The following SPEF2 variants were observed in gnomAD, a reference collection of about 807,000 sequenced individuals.
SPEF2 encodes sperm flagella and cilia-associated protein 2.
A neutral mutation model predicts 224.6 loss-of-function variants in SPEF2; 187 were observed. The observed-to-expected ratio is 0.83, with a 90% CI of 0.74 to 0.94. The LOEUF is 0.94. Ranked by LOEUF, SPEF2 falls within the 40% of genes least tolerant of loss-of-function variation. The probability of loss-of-function intolerance (pLI) is 0.00; values close to 1 mark genes in which losing one functional copy is unlikely to be tolerated. For missense variants in SPEF2, 2,170 were observed against 2,135.6 expected (o/e 1.02, Z -0.32); for synonymous variants, 715 against 707.3 (o/e 1.01, Z -0.17).
intron 19 of SPEF2, chr5:35,709,366 G>A (rs571808820): frequency 1.6e-6 from 2 of 1,284,712 alleles, no homozygotes; most frequent in African/African-American, 3.0e-5. Context: ...ACTGATTAGA[G>A]TAAGACCACA....
chr5:35,753,267 C>T (rs1418634457), intron 23 of SPEF2, among the ~76,000 whole-genome samples: 2 of 152,052 alleles, frequency 1.3e-5, no homozygotes, highest in Non-Finnish European at 1.5e-5. Context: ...TTTTCCACCA[C>T]CAATTGCCAT....
At chr5:35,811,467 G>A (rs903434675) in intron 36 of SPEF2, among the ~76,000 whole-genome samples, 1 of 152,070 alleles carries the variant, frequency 6.6e-6, no homozygotes, top group Admixed American at 6.6e-5. Context: ...TGCATTTAAG[G>A]TGTACTGGCT....
At chr5:35,694,205 T>G (rs974982308) in intron 12 of SPEF2, 83 bp from the exon 13 acceptor site, 1 of 1,036,818 alleles carries the variant, frequency 9.6e-7, no homozygotes, top group East Asian at 2.6e-5. Flanking sequence ...TTCTCAAACC[T>G]TTACTTATAG....
chr5:35,747,561 A>G (rs2149709945), intron 23 of SPEF2, among the ~76,000 whole-genome samples: 1 of 152,368 alleles, frequency 6.6e-6, no homozygotes, highest in South Asian at 2.1e-4. Context: ...ACCAACTTTA[A>G]AGCAACACCA....
intron 10 of SPEF2, among the ~76,000 whole-genome samples, chr5:35,682,505 G>A (rs763431300): frequency 5.9e-5 from 9 of 152,134 alleles, no homozygotes; most frequent in Admixed American, 2.6e-4. Flanking sequence ...GAAATATTTA[G>A]AACATACCAA....
intron 21 of SPEF2, among the ~76,000 whole-genome samples, chr5:35,737,000 G>C (rs1177282841): frequency 6.6e-6 from 1 of 152,020 alleles, no homozygotes; most frequent in African/African-American, 2.4e-5. Flanking sequence ...TCCACCTCTT[G>C]GTAGCCATTG....
chr5:35,774,092 G>T, intron 28 of SPEF2, 71 bp downstream of exon 28: 1 of 1,553,578 alleles, frequency 6.4e-7, no homozygotes, highest in African/African-American at 1.4e-5. Flanking sequence ...GCCCACAACT[G>T]GCTCATCAAT....
intron 26 of SPEF2, among the ~76,000 whole-genome samples, chr5:35,770,203 C>T (rs1402998320): frequency 6.6e-6 from 1 of 152,024 alleles, no homozygotes; most frequent in Non-Finnish European, 1.5e-5. Flanking sequence ...AGCCTGAAGA[C>T]AAACGTGTAC....
Position 35,654,583 on chromosome 5 carries a change from G to A in SPEF2, c.835G>A (p.Asp279Asn), listed in dbSNP as rs375805421. ...SLDTAGQTTTDLLNTYSDDEY... is the reference protein window; with the variant it reads ...SLDTAGQTTTNLLNTYSDDEY... ...AGATACAGCAGGCCAGACAACCACC[G>A]ATTTGTTAAATACTTACTCAGATGA... Residue 279 changes from aspartate (D) to asparagine (N), a missense_variant, in exon 7 of 37, where the codon GAT becomes AAT. By Grantham distance (23) the Asp-to-Asn change is conservative. Coordinates refer to ENST00000356031, the MANE Select transcript of SPEF2 (RefSeq NM_024867.4). The A allele has an allele frequency of 2.2e-5, 35 of 1,608,844 alleles. No individual in the cohort carries two copies. Among genetic ancestry groups the A allele is most frequent in the African/African-American group, 2.7e-5 (2 of 74,598 alleles).
At chr5:35,700,368 A>G (rs1738361551) in intron 15 of SPEF2, 128 bp from the exon 16 acceptor site, 1 of 818,636 alleles carries the variant, frequency 1.2e-6, no homozygotes, top group Middle Eastern at 2.8e-4. Context: ...TCTTTTAGCT[A>G]TGAAGTAATG....
chr5:35,811,099 A>AAAAT (rs1554063128), intron 36 of SPEF2, among the ~76,000 whole-genome samples: 10 of 151,274 alleles, frequency 6.6e-5, no homozygotes, highest in African/African-American at 2.4e-4. Flanking sequence ...CTAAAAAAAA[A>AAAAT]AATAATAAAT....
At chr5:35,684,379 C>G (rs1484219681) in intron 10 of SPEF2, among the ~76,000 whole-genome samples, 1 of 152,190 alleles carries the variant, frequency 6.6e-6, no homozygotes, top group Non-Finnish European at 1.5e-5. Flanking sequence ...CCACCAAATC[C>G]TTTATCTGCT....
At chr5:35,658,463 G>T (rs1749257536) in intron 7 of SPEF2, among the ~76,000 whole-genome samples, 1 of 152,174 alleles carries the variant, frequency 6.6e-6, no homozygotes, top group Admixed American at 6.5e-5. Flanking sequence ...GAACTAATCA[G>T]ATCTGCAGTC....
At position 35,736,815 on chromosome 5, in the gene SPEF2, C is replaced by T. The variant is rs1580512583; in HGVS notation, c.3064-3104C>T. 3.9e-5 allele frequency among the ~76,000 whole-genome samples: 6 copies of T among 152,296 alleles called. No homozygotes were observed. The South Asian group carries it at 6.2e-4, about 16-fold the overall frequency. ...TTGGTGAAGCTTCTCAGTTGTTTTT[C>T]TGCTAAAGCTTTAGCAAACTTTCTC... On this transcript the variant is annotated intron_variant, in intron 21 of 36. Coordinates refer to ENST00000356031, the MANE Select transcript of SPEF2 (RefSeq NM_024867.4).
rs1218866013 is a variant in SPEF2 at position 35,779,288 on chromosome 5, C to G, written c.4389C>G (p.Thr1463=). ...PPPVEKEEDG[T]LTIEQLDSLR... ...CTGTAGAAAAGGAAGAAGATGGTAC[C>G]CTGACCATTGAACAGCTTGACAGTC... The change falls in exon 30 of 37, where the codon ACC becomes ACG. Residue 1463 remains threonine (T), a synonymous_variant. Coordinates refer to ENST00000356031, the MANE Select transcript of SPEF2 (RefSeq NM_024867.4). The G allele has an allele frequency of 1.9e-6, 3 of 1,613,668 alleles. No homozygotes were observed. Among genetic ancestry groups the G allele is most frequent in the Admixed American group, 1.7e-5 (1 of 59,970 alleles).
intron 10 of SPEF2, chr5:35,671,485 A>G: frequency 6.1e-6 from 6 of 978,678 alleles, no homozygotes; most frequent in Non-Finnish European, 7.3e-6. Flanking sequence ...CACCTAAAGT[A>G]TAATGCCATG....
intron 19 of SPEF2, chr5:35,709,884 G>A: frequency 2.0e-6 from 2 of 985,376 alleles, no homozygotes; most frequent in Non-Finnish European, 1.2e-6. Flanking sequence ...ATAAATGGCT[G>A]ACTGTGCAGT....
chr5:35,697,620 T>C, intron 14 of SPEF2, 70 bp from the exon 15 acceptor site: 2 of 1,276,922 alleles, frequency 1.6e-6, no homozygotes, highest in South Asian at 1.3e-5. Context: ...TTAATTAACT[T>C]TTCCTCCAAA....
chr5:35,755,519 G>A (rs1750304855), intron 24 of SPEF2, among the ~76,000 whole-genome samples: 1 of 151,944 alleles, frequency 6.6e-6, no homozygotes. Context: ...AGACCAACAA[G>A]GAATAAAGAG....
Sources: allele counts gnomAD v4.1 joint callset (sites outside exome capture counted in the v4.1 genomes callset), GRCh38; gene constraint gnomAD v4.1.1; transcripts MANE v1.5; gene names NCBI Gene and HGNC (gene_info 2026-07-23, HGNC 2026-07-21).